Variants in GTF2E1 observed in about 807,000 individuals in gnomAD.
GTF2E1 encodes the protein TFIIE alpha subunit.
In GTF2E1, 14 loss-of-function variants were observed where a neutral mutation model predicts 34.9. That is an observed-to-expected ratio of 0.40 (90% CI 0.27 to 0.63). The LOEUF is 0.63. GTF2E1 is among the 20% of genes least tolerant of loss of function. GTF2E1 has a pLI of 0.39. For missense variants in GTF2E1, 469 were observed against 557.7 expected (o/e 0.84, Z 1.60); for synonymous variants, 188 against 192.9 (o/e 0.97, Z 0.21).
At chr3:120,747,237 TTTA>T (rs1452918312) in intron 1 of GTF2E1, among the ~76,000 whole-genome samples, 6 of 150,934 alleles carry the variant, frequency 4.0e-5, no homozygotes, top group African/African-American at 1.5e-4. Flanking sequence ...ATTTTTTATT[TTTA>T]TTATTTTTAT....
chr3:120,759,932 G>T (rs747018366), intron 2 of GTF2E1, among the ~76,000 whole-genome samples: 1 of 152,080 alleles, frequency 6.6e-6, no homozygotes, highest in Non-Finnish European at 1.5e-5. Context: ...GCTGTTTTTT[G>T]GTTCCATGTG....
chr3:120,769,306 TCA>T (rs1211429261), intron 2 of GTF2E1, among the ~76,000 whole-genome samples: 1 of 152,112 alleles, frequency 6.6e-6, no homozygotes, highest in Non-Finnish European at 1.5e-5. Context: ...TCAAAAGCTA[TCA>T]GGTACGCACC....
intron 2 of GTF2E1, among the ~76,000 whole-genome samples, chr3:120,763,937 C>T (rs975290680): frequency 7.2e-5 from 11 of 152,156 alleles, no homozygotes; most frequent in Non-Finnish European, 1.0e-4. Flanking sequence ...TGCTTCCTCC[C>T]CAATTTCCCC....
At chr3:120,749,802 G>C (rs1440078425) in intron 1 of GTF2E1, 1 of 152,128 alleles carries the variant, frequency 6.6e-6, no homozygotes, top group African/African-American at 2.4e-5. Context: ...CAGCTTTCTG[G>C]GTCATGGTAC....
At chr3:120,776,746 A>T (rs1426958653) in intron 4 of GTF2E1, 82 bp downstream of exon 4, 1 of 1,236,242 alleles carries the variant, frequency 8.1e-7, no homozygotes, top group African/African-American at 1.5e-5. Context: ...TGCCTGGGCA[A>T]TTCTGGATCT....
At chr3:120,750,079 C>G (rs1466211155) in intron 1 of GTF2E1, 1 of 156,586 alleles carries the variant, frequency 6.4e-6, no homozygotes, top group East Asian at 1.9e-4. Flanking sequence ...ATTGTGAAAG[C>G]ATGACTATGT....
At chr3:120,745,269 T>C (rs962113155) in intron 1 of GTF2E1, among the ~76,000 whole-genome samples, 7 of 152,182 alleles carry the variant, frequency 4.6e-5, no homozygotes, top group African/African-American at 1.4e-4. Flanking sequence ...TCAGGGGGCC[T>C]AAGAAATACT....
intron 2 of GTF2E1, among the ~76,000 whole-genome samples, chr3:120,764,714 G>A (rs78996631): frequency 0.018 from 2,771 of 152,224 alleles, 91 homozygotes; most frequent in African/African-American, 0.064. Flanking sequence ...CTTTTTGTCA[G>A]TTATACATTT....
rs773991987 is a variant in GTF2E1 at position 120,770,853 on chromosome 3, C to T, written c.574C>T (p.Arg192Trp). 6.4e-5 allele frequency: 104 copies of T among 1,613,444 alleles called. No homozygotes were observed. The highest frequency in any genetic ancestry group is 8.4e-5 in the Non-Finnish European group (99 of 1,179,614). The change falls in exon 3 of 5, where the codon CGG (arginine) becomes TGG (tryptophan). Residue 192 changes from arginine to tryptophan, a missense_variant. By Grantham distance (101) the Arg-to-Trp change is moderately radical (BLOSUM62 -3). Transcript: ENST00000283875. Reference protein sequence around the residue: ...EQIEPIYALLRETEDVNLAYE... With the variant: ...EQIEPIYALLWETEDVNLAYE... ...AATTGAGCCCATTTATGCATTGCTT[C>T]GGGAGACAGAGGATGTGAACTTGGC...
rs567300777 is a variant in GTF2E1 at position 120,782,069 on chromosome 3, C to G, written c.*599C>G. On this transcript the variant is annotated 3_prime_UTR_variant, in exon 5 of 5. Transcript: ENST00000283875. ...AGTGAGGGAAGTTCATAAGGTAAATCCTTCCCATCCATCTGTTTACTACAA... is the reference window on the plus strand; with the variant it reads ...AGTGAGGGAAGTTCATAAGGTAAATGCTTCCCATCCATCTGTTTACTACAA... 3.9e-5 allele frequency: 6 copies of G among 152,872 alleles called. No homozygotes were observed. Among genetic ancestry groups the G allele is most frequent in the African/African-American group, 1.4e-4 (6 of 41,510 alleles). The allele number at this position is 152,872 out of a possible 1,614,324, so 9.5% of individuals were successfully genotyped here.
At chr3:120,756,447 G>A (rs1709210327) in intron 2 of GTF2E1, among the ~76,000 whole-genome samples, 1 of 150,460 alleles carries the variant, frequency 6.6e-6, no homozygotes. Context: ...TCAAAGGTAT[G>A]GATTGGGGAG....
At chr3:120,761,399 G>GT (rs1709262063) in intron 2 of GTF2E1, among the ~76,000 whole-genome samples, 1 of 152,030 alleles carries the variant, frequency 6.6e-6, no homozygotes, top group South Asian at 2.1e-4. Flanking sequence ...TTTTGGAAGG[G>GT]TTTTTTGTGT....
intron 4 of GTF2E1, among the ~76,000 whole-genome samples, chr3:120,780,533 A>G (rs776885680): frequency 3.9e-5 from 6 of 152,218 alleles, no homozygotes; most frequent in Admixed American, 2.0e-4. Flanking sequence ...AGGGGAAAGA[A>G]GTAAGAGGTA....
chr3:120,748,710 C>T (rs1269303520), intron 1 of GTF2E1, among the ~76,000 whole-genome samples: 3 of 152,182 alleles, frequency 2.0e-5, no homozygotes, highest in African/African-American at 4.8e-5. Context: ...GTCCTTTTGG[C>T]TTAGGATTGA....
intron 1 of GTF2E1, among the ~76,000 whole-genome samples, chr3:120,745,014 C>T (rs559317553): frequency 6.6e-6 from 1 of 152,012 alleles, no homozygotes; most frequent in South Asian, 2.1e-4. Flanking sequence ...GACCTCCTGG[C>T]TCAATTGATC....
intron 3 of GTF2E1, among the ~76,000 whole-genome samples, chr3:120,773,603 T>G (rs1050592961): frequency 6.6e-6 from 1 of 152,152 alleles, no homozygotes; most frequent in Admixed American, 6.6e-5. Flanking sequence ...TGGAATTCCT[T>G]GCTAGTAACC....
chr3:120,755,922 A>G (rs960485316), intron 2 of GTF2E1, among the ~76,000 whole-genome samples: 2 of 152,172 alleles, frequency 1.3e-5, no homozygotes, highest in Admixed American at 6.5e-5. Context: ...AGTTCCGTCT[A>G]TGTTGCAAAT....
chr3:120,755,156 G>C (rs1301603944), intron 2 of GTF2E1, among the ~76,000 whole-genome samples: 1 of 152,168 alleles, frequency 6.6e-6, no homozygotes, highest in Non-Finnish European at 1.5e-5. Context: ...CAATGGAATA[G>C]ATCTCTTCTA....
intron 2 of GTF2E1, among the ~76,000 whole-genome samples, chr3:120,767,233 T>C (rs1709316961): frequency 6.6e-6 from 1 of 152,198 alleles, no homozygotes; most frequent in Non-Finnish European, 1.5e-5. Flanking sequence ...AGATACAGAC[T>C]GACTGCTTTT....
Sources: allele counts gnomAD v4.1 joint callset (sites outside exome capture counted in the v4.1 genomes callset), GRCh38; gene constraint gnomAD v4.1.1; transcripts MANE v1.5; gene names NCBI Gene and HGNC (gene_info 2026-07-23, HGNC 2026-07-21).